The following GLRA1 variants were observed in gnomAD, a reference collection of about 807,000 sequenced individuals.
GLRA1 encodes glycine receptor subunit alpha-1.
GLRA1 carries 37 observed loss-of-function variants against 48.3 expected under a neutral mutation model. That is an observed-to-expected ratio of 0.77 (90% CI 0.59 to 1.01). The LOEUF (loss-of-function observed/expected upper bound fraction) is 1.01, where lower values mean the gene tolerates loss of function less well. Among genes scored for constraint, GLRA1 ranks in the 50% least tolerant of loss-of-function variants. GLRA1 has a pLI of 0.00. For synonymous variants in GLRA1, 196 were observed against 210.7 expected (o/e 0.93, Z 0.60); for missense variants, 427 against 571.0 (o/e 0.75, Z 2.57).
intron 1 of GLRA1, among the ~76,000 whole-genome samples, chr5:151,911,720 C>G (rs1377867865): frequency 6.6e-6 from 1 of 151,576 alleles, no homozygotes; most frequent in Non-Finnish European, 1.5e-5. Context: ...ATTCTCCTGC[C>G]TCAGCCTCCC....
Position 151,924,694 on chromosome 5 carries a change from C to G in GLRA1, c.-145G>C. ...GGAACAGGGGCGCGGAGGGAGAGCC[C>G]CAGGGGAAATTGGAGCGAGGGGGTC... On this transcript the variant is annotated 5_prime_UTR_variant, in exon 1 of 9. Coordinates refer to ENST00000274576, the MANE Select transcript of GLRA1 (RefSeq NM_000171.4). 1.4e-6 allele frequency: 1 copy of G among 727,352 alleles called. No individual in the cohort carries two copies. The highest frequency in any genetic ancestry group is 2.3e-4 in the Middle Eastern group (1 of 4,336). The allele number at this position is 727,352 out of a possible 1,614,324, so 45.1% of individuals were successfully genotyped here.
chr5:151,880,699 A>G (rs1753739958), intron 3 of GLRA1, among the ~76,000 whole-genome samples: 1 of 152,242 alleles, frequency 6.6e-6, no homozygotes, highest in Non-Finnish European at 1.5e-5. Context: ...ATGTATAGTC[A>G]TACTCCCATA....
chr5:151,861,377 C>T (rs995329601), intron 3 of GLRA1, among the ~76,000 whole-genome samples: 3 of 152,238 alleles, frequency 2.0e-5, no homozygotes, highest in Non-Finnish European at 4.4e-5. Context: ...TCCACATCCT[C>T]TCCAGCACCT....
At chr5:151,911,641 T>G (rs940978712) in intron 1 of GLRA1, among the ~76,000 whole-genome samples, 1 of 139,696 alleles carries the variant, frequency 7.2e-6, no homozygotes, top group Non-Finnish European at 1.5e-5. Flanking sequence ...AGTCTCACTC[T>G]TTTGCCCAGG....
chr5:151,844,008 A>T (rs1752588860), intron 7 of GLRA1, among the ~76,000 whole-genome samples: 1 of 152,078 alleles, frequency 6.6e-6, no homozygotes, highest in African/African-American at 2.4e-5. Context: ...CTTCTCTAGT[A>T]AAAATACAAA....
At chr5:151,850,007 CCAAT>C in intron 7 of GLRA1, 1 of 1,602,584 alleles carries the variant, frequency 6.2e-7, no homozygotes, top group Non-Finnish European at 8.5e-7. Flanking sequence ...CCTGCAGTGA[CCAAT>C]TTGAGGCACA....
At chr5:151,831,372 C>T (rs916251385) in intron 7 of GLRA1, among the ~76,000 whole-genome samples, 19 of 152,360 alleles carry the variant, frequency 1.2e-4, no homozygotes, top group African/African-American at 3.1e-4. Flanking sequence ...CCCATCCCCA[C>T]GGAGCCCAGC....
chr5:151,865,062 A>G (rs541831644), intron 3 of GLRA1, among the ~76,000 whole-genome samples: 4 of 152,314 alleles, frequency 2.6e-5, no homozygotes, highest in African/African-American at 9.6e-5. Context: ...GATGGTCTCT[A>G]AGAACTTTTC....
intron 5 of GLRA1, among the ~76,000 whole-genome samples, chr5:151,855,967 T>C (rs1753030848): frequency 6.6e-6 from 1 of 152,220 alleles, no homozygotes; most frequent in Admixed American, 6.5e-5. Flanking sequence ...TGCAGTCAGT[T>C]GTTTACCTCC....
intron 1 of GLRA1, among the ~76,000 whole-genome samples, chr5:151,911,022 T>G (rs1754595776): frequency 6.6e-6 from 1 of 152,188 alleles, no homozygotes; most frequent in Non-Finnish European, 1.5e-5. Flanking sequence ...TTATTCTCTC[T>G]CAGCCAGGCT....
intron 7 of GLRA1, chr5:151,850,021 A>T (rs1429710413): frequency 6.2e-7 from 1 of 1,603,332 alleles, no homozygotes; most frequent in Non-Finnish European, 8.5e-7. Flanking sequence ...TTTGAGGCAC[A>T]CTTGTAAGTG....
chr5:151,893,052 A>G (rs892434924), intron 1 of GLRA1, among the ~76,000 whole-genome samples: 1 of 152,084 alleles, frequency 6.6e-6, no homozygotes, highest in Non-Finnish European at 1.5e-5. Context: ...CTCACTTGGG[A>G]AATTGAGGCC....
At chr5:151,871,420 A>C (rs1407623911) in intron 3 of GLRA1, among the ~76,000 whole-genome samples, 1 of 149,682 alleles carries the variant, frequency 6.7e-6, no homozygotes, top group African/African-American at 2.6e-5. Context: ...TATTTAAAAA[A>C]ATCAAAAACT....
At chr5:151,848,926 G>T in intron 7 of GLRA1, 1 of 705,490 alleles carries the variant, frequency 1.4e-6, no homozygotes, top group Non-Finnish European at 2.7e-6. Context: ...AAGGTATTAA[G>T]CAGGTGTACA....
chr5:151,867,285 G>C (rs1273734726), intron 3 of GLRA1, among the ~76,000 whole-genome samples: 3 of 152,064 alleles, frequency 2.0e-5, no homozygotes, highest in Non-Finnish European at 4.4e-5. Flanking sequence ...CTAGATCTAG[G>C]ATTGTTCTGA....
chr5:151,919,511 T>A (rs1754821222), intron 1 of GLRA1, among the ~76,000 whole-genome samples: 1 of 152,238 alleles, frequency 6.6e-6, no homozygotes, highest in South Asian at 2.1e-4. Flanking sequence ...AATTGCTTAG[T>A]GAGGTCCTCA....
chr5:151,884,102 T>G (rs1322054633), intron 3 of GLRA1, among the ~76,000 whole-genome samples: 5 of 152,158 alleles, frequency 3.3e-5, no homozygotes, highest in Non-Finnish European at 5.9e-5. Flanking sequence ...TAAAAAATGC[T>G]TGGTGAACAT....
chr5:151,863,598 G>A (rs1753258087), intron 3 of GLRA1, among the ~76,000 whole-genome samples: 1 of 152,070 alleles, frequency 6.6e-6, no homozygotes, highest in Non-Finnish European at 1.5e-5. Flanking sequence ...TTCCCCAAAT[G>A]ATTAATATCC....
At chr5:151,840,422 G>C (rs769279511) in intron 7 of GLRA1, among the ~76,000 whole-genome samples, 8 of 152,010 alleles carry the variant, frequency 5.3e-5, no homozygotes, top group Non-Finnish European at 8.8e-5. Context: ...ATGCAAAAAG[G>C]CAGTAACGGA....
Sources: gnomAD v4.1 joint callset for allele counts (sites outside exome capture counted in the v4.1 genomes callset) on GRCh38, gnomAD v4.1.1 for gene constraint, MANE v1.5 for transcripts, NCBI Gene and HGNC (gene_info 2026-07-23, HGNC 2026-07-21) for gene names.